The following RPE variants were observed in gnomAD, a reference collection of about 807,000 sequenced individuals.
RPE encodes the protein ribulose-phosphate 3-epimerase.
RPE carries 16 observed loss-of-function variants against 24.6 expected under a neutral mutation model. The ratio of observed to expected loss-of-function variants is 0.65; its 90% CI spans 0.44 to 0.99. The LOEUF is 0.99. Among genes scored for constraint, RPE ranks in the 50% least tolerant of loss-of-function variants. The probability of loss-of-function intolerance (pLI) is 0.00; values close to 1 mark genes in which losing one functional copy is unlikely to be tolerated. For missense variants in RPE, 240 were observed against 294.5 expected, an observed-to-expected ratio of 0.81 and a Z score of 1.35; for synonymous variants, 93 against 98.4, an observed-to-expected ratio of 0.94 and a Z score of 0.33.
chr2:210,019,965 G>C lies in RPE; in HGVS notation c.*174G>C. 1 of 719,250 alleles carries C rather than the reference G, an allele frequency of 1.4e-6. No individual in the cohort carries two copies. Among genetic ancestry groups the C allele is most frequent in the Non-Finnish European group, 2.1e-6 (1 of 475,836 alleles). The allele number at this position is 719,250 out of a possible 1,614,324, so 44.6% of individuals were successfully genotyped here. On this transcript the variant is annotated 3_prime_UTR_variant, in exon 6 of 6. Transcript: ENST00000359429. The stretch of plus-strand genomic sequence containing the variant: ...ATTCTAAGAGGTCAGAAATTGGTGT[G>C]TATAACTACATTTTTAGTGATGCAA...
chr2:210,012,456 G>C (rs771862152), intron 2 of RPE, among the ~76,000 whole-genome samples: 3 of 152,182 alleles, frequency 2.0e-5, no homozygotes, highest in Non-Finnish European at 4.4e-5. Flanking sequence ...ATAAATCTTG[G>C]TCCCTGAATA....
intron 1 of RPE, among the ~76,000 whole-genome samples, chr2:210,009,386 A>G (rs2093672152): frequency 6.6e-6 from 1 of 152,166 alleles, no homozygotes; most frequent in African/African-American, 2.4e-5. Context: ...TGATTTTATC[A>G]TCTCTCCATT....
intron 2 of RPE, among the ~76,000 whole-genome samples, chr2:210,014,584 G>C (rs1482641110): frequency 1.3e-5 from 2 of 151,612 alleles, no homozygotes; most frequent in Admixed American, 1.3e-4. Flanking sequence ...CTTGTGGCCA[G>C]AAGTTCGAGA....
intron 5 of RPE, 58 bp downstream of exon 5, chr2:210,017,617 C>A: frequency 6.7e-7 from 1 of 1,488,946 alleles, no homozygotes. Flanking sequence ...GTCTCCAGGA[C>A]ATTGTCTCAT....
intron 4 of RPE, among the ~76,000 whole-genome samples, chr2:210,017,004 C>T (rs1374947578): frequency 6.6e-6 from 1 of 152,030 alleles, no homozygotes; most frequent in East Asian, 1.9e-4. Context: ...CCACCATGCC[C>T]GGCTAATTCT....
At chr2:210,018,008 G>C (rs988440485) in intron 5 of RPE, 5 of 826,966 alleles carry the variant, frequency 6.0e-6, no homozygotes, top group African/African-American at 1.7e-5. Context: ...GCCTCCCAAA[G>C]TGTTGGGATT....
intron 4 of RPE, 104 bp downstream of exon 4, chr2:210,016,745 G>A (rs551347868): frequency 3.2e-5 from 48 of 1,485,762 alleles, no homozygotes; most frequent in Admixed American, 2.3e-4. Context: ...TTCTGAAGGT[G>A]AGGAGATGGG....
At chr2:210,018,482 G>A in intron 5 of RPE, 2 of 984,448 alleles carry the variant, frequency 2.0e-6, no homozygotes, top group Non-Finnish European at 2.4e-6. Context: ...AGTGATTAAA[G>A]CTTACATGAC....
At position 210,019,703 on chromosome 2, in the gene RPE, T is replaced by C. The variant is rs2093832649; in HGVS notation, c.599T>C (p.Ile200Thr). ...GANMIVSGSA[I>T]MRSEDPRSVI... ...AACATGATTGTGTCTGGCAGTGCTA[T>C]TATGAGGAGTGAAGACCCCAGATCT... The change falls in exon 6 of 6, where the codon ATT becomes ACT. Residue 200 changes from isoleucine to threonine, a missense_variant. Coordinates refer to ENST00000359429, the MANE Select transcript of RPE (RefSeq NM_199229.3). 6.2e-7 allele frequency: 1 copy of C among 1,613,356 alleles called. No individual in the cohort carries two copies. Among genetic ancestry groups the C allele is most frequent in the African/African-American group, 1.3e-5 (1 of 74,910 alleles).
At chr2:210,018,240 A>G (rs1218610270) in intron 5 of RPE, 3 of 1,524,148 alleles carry the variant, frequency 2.0e-6, no homozygotes, top group East Asian at 4.9e-5. Flanking sequence ...AAGGGGGGAA[A>G]ATAGATAAAT....
At chr2:210,017,284 A>G (rs760979943) in intron 4 of RPE, among the ~76,000 whole-genome samples, 189 bp from the exon 5 acceptor site, 26 of 152,240 alleles carry the variant, frequency 1.7e-4, no homozygotes, top group Non-Finnish European at 3.4e-4. Flanking sequence ...GCCAAATAGA[A>G]CAAAGCTTGC....
intron 5 of RPE, chr2:210,018,369 C>T: frequency 7.4e-7 from 1 of 1,354,772 alleles, no homozygotes. Context: ...CTTTGGCTAT[C>T]TGTATAGAAG....
At chr2:210,019,568 A>G (rs2093829756) in intron 5 of RPE, 101 bp from the exon 6 acceptor site, 1 of 1,382,098 alleles carries the variant, frequency 7.2e-7, no homozygotes, top group Non-Finnish European at 9.7e-7. Context: ...TATGATTGAA[A>G]TGTTGACAGA....
chr2:210,006,263 T>G (rs74962404), intron 1 of RPE, among the ~76,000 whole-genome samples: 1 of 152,360 alleles, frequency 6.6e-6, no homozygotes, highest in African/African-American at 2.4e-5. Context: ...TTCCCGGTCC[T>G]CTTTGGAGTC....
chr2:210,003,811 T>A (rs1439203316), intron 1 of RPE, among the ~76,000 whole-genome samples: 1 of 152,234 alleles, frequency 6.6e-6, no homozygotes, highest in African/African-American at 2.4e-5. Context: ...CTTTTCTTTT[T>A]AATGTTAATC....
chr2:210,017,753 T>TC, intron 5 of RPE, 194 bp downstream of exon 5: 1 of 627,848 alleles, frequency 1.6e-6, no homozygotes, highest in Admixed American at 2.8e-5. Flanking sequence ...TTTTTTTTTT[T>TC]TTTCTTTTTC....
Position 210,002,689 on chromosome 2 carries a change from T to G in RPE, c.28T>G (p.Ser10Ala), listed in dbSNP as rs772424772. The G allele has an allele frequency of 3.7e-6, 6 of 1,613,982 alleles. No individual in the cohort carries two copies. The East Asian group carries it at 1.1e-4, about 30-fold the overall frequency. Residue 10 changes from serine to alanine, a missense_variant, in exon 1 of 6, where the codon TCC (serine) becomes GCC (alanine). Ser to Ala is a moderately conservative substitution (Grantham distance 99, BLOSUM62 1). Coordinates refer to ENST00000359429, the MANE Select transcript of RPE (RefSeq NM_199229.3). MASGCKIGP[S>A]ILNSDLANLG... ...GGCGTCGGGCTGCAAGATTGGCCCG[T>G]CCATCCTCAACAGCGACCTGGCCAA...
At position 210,016,044 on chromosome 2, in the gene RPE, A is replaced by T; in HGVS notation, c.274A>T (p.Thr92Ser). The T allele has an allele frequency of 6.2e-7, 1 of 1,614,242 alleles. No individual in the cohort carries two copies. The highest frequency in any genetic ancestry group is 8.5e-7 in the Non-Finnish European group (1 of 1,180,042). ...PMAVAGANQY[T>S]FHLEATENPG... is the part of the protein sequence containing the mutation. ...GGCTGTAGCAGGAGCCAATCAGTAC[A>T]CCTTTCATCTCGAGGCTACTGAGAA... The change falls in exon 3 of 6, where the codon ACC becomes TCC. Residue 92 changes from threonine (T) to serine (S), a missense_variant. Transcript: ENST00000359429.
chr2:210,005,011 T>C (rs1488596283), intron 1 of RPE, among the ~76,000 whole-genome samples: 1 of 152,244 alleles, frequency 6.6e-6, no homozygotes, highest in African/African-American at 2.4e-5. Context: ...TTCTCTACTT[T>C]CTGAGTTAAG....
Sources: gnomAD v4.1 joint callset for allele counts (sites outside exome capture counted in the v4.1 genomes callset) on GRCh38, gnomAD v4.1.1 for gene constraint, MANE v1.5 for transcripts, NCBI Gene and HGNC (gene_info 2026-07-23, HGNC 2026-07-21) for gene names.